The following UGT2A1 variants were observed in gnomAD, a reference collection of about 807,000 sequenced individuals.
UGT2A1 encodes the protein UDP glucuronosyltransferase family 2 member A1 complex locus, also known as UDP-glucuronosyltransferase 2A1.
UGT2A1 carries 61 observed loss-of-function variants against 45.4 expected under a neutral mutation model. That is an observed-to-expected ratio of 1.34 (90% CI 1.09 to 1.66). The LOEUF (loss-of-function observed/expected upper bound fraction) is 1.66, where lower values mean the gene tolerates loss of function less well. Ranked by LOEUF, UGT2A1 falls within the 40% of genes most tolerant of loss-of-function variation. UGT2A1 has a pLI of 0.00. For synonymous variants in UGT2A1, 229 were observed against 196.2 expected (o/e 1.17, Z -1.40); for missense variants, 649 against 574.3 (o/e 1.13, Z -1.33).
In UGT2A1 at chr4:69,647,289, T is replaced by C. The variant is rs1169768463; in HGVS notation, c.356A>G (p.His119Arg). ...QEMAKVIKDF[H>R]MVSQEICDGV... Reference sequence around the variant, plus strand: ...ATCACAGATCTCCTGAGACACCATGTGGAAGTCCTTGATTACTTTGGCCAT... The same window carrying C: ...ATCACAGATCTCCTGAGACACCATGCGGAAGTCCTTGATTACTTTGGCCAT... The change falls in exon 2 of 7, where the codon CAC becomes CGC. Residue 119 changes from histidine to arginine, a missense_variant. Coordinates refer to ENST00000286604, the MANE Select transcript of UGT2A1 (RefSeq NM_001252275.3). 2 of 1,613,302 alleles carry C rather than the reference T, an allele frequency of 1.2e-6. No homozygotes were observed. Among genetic ancestry groups the C allele is most frequent in the African/African-American group, 2.7e-5 (2 of 74,876 alleles).
chr4:69,629,863 T>A, intron 3 of UGT2A1, among the ~76,000 whole-genome samples: 1 of 152,012 alleles, frequency 6.6e-6, no homozygotes, highest in Non-Finnish European at 1.5e-5. Context: ...AATCATCGAG[T>A]CTCAGAGTAG....
intron 2 of UGT2A1, among the ~76,000 whole-genome samples, chr4:69,644,550 AT>A (rs911269184): frequency 4.6e-5 from 7 of 151,408 alleles, no homozygotes; most frequent in Non-Finnish European, 8.9e-5. Context: ...CAAAACTTCA[AT>A]TTTTTTTCTC....
At chr4:69,639,639 A>G (rs1231740780) in intron 2 of UGT2A1, 1 of 1,564,508 alleles carries the variant, frequency 6.4e-7, no homozygotes, top group South Asian at 1.2e-5. Context: ...TATGGAAACC[A>G]TCCTACTGTA....
chr4:69,609,537 A>G (rs565152316), intron 3 of UGT2A1, among the ~76,000 whole-genome samples: 8 of 152,216 alleles, frequency 5.3e-5, no homozygotes, highest in African/African-American at 1.9e-4. Flanking sequence ...TTATATCTCA[A>G]TACAACTGTT....
intron 3 of UGT2A1, among the ~76,000 whole-genome samples, chr4:69,607,937 T>G (rs1220293123): frequency 6.6e-6 from 1 of 152,160 alleles, no homozygotes; most frequent in Non-Finnish European, 1.5e-5. Context: ...CTGGAGAGGA[T>G]GTCGAGAAAT....
chr4:69,608,505 G>A (rs1719821616), intron 3 of UGT2A1, among the ~76,000 whole-genome samples: 2 of 151,696 alleles, frequency 1.3e-5, no homozygotes, highest in African/African-American at 4.8e-5. Context: ...CACCAACCTG[G>A]CACATGTATG....
chr4:69,635,006 G>C (rs190746056), intron 3 of UGT2A1, among the ~76,000 whole-genome samples: 1 of 151,960 alleles, frequency 6.6e-6, no homozygotes, highest in East Asian at 1.9e-4. Context: ...ATGCTTGAGG[G>C]GATGGATACC....
intron 3 of UGT2A1, among the ~76,000 whole-genome samples, chr4:69,627,568 A>AGAG (rs1560486876): frequency 1.3e-5 from 2 of 148,756 alleles, no homozygotes; most frequent in African/African-American, 2.5e-5. Flanking sequence ...GAGAGAGAGA[A>AGAG]AGAAAGAGAG....
At chr4:69,628,931 C>T (rs1191394401) in intron 3 of UGT2A1, among the ~76,000 whole-genome samples, 1 of 151,626 alleles carries the variant, frequency 6.6e-6, no homozygotes, top group East Asian at 1.9e-4. Flanking sequence ...CAATTTCCCT[C>T]AGCTATTAGT....
intron 5 of UGT2A1, 72 bp from the exon 6 acceptor site, chr4:69,594,768 G>A: frequency 6.7e-7 from 1 of 1,502,962 alleles, no homozygotes; most frequent in Non-Finnish European, 9.0e-7. Flanking sequence ...GACAGAAGGG[G>A]TCAAAAAGCT....
intron 3 of UGT2A1, among the ~76,000 whole-genome samples, chr4:69,608,337 G>A (rs1719799812): frequency 6.7e-6 from 1 of 148,184 alleles, no homozygotes; most frequent in South Asian, 2.1e-4. Flanking sequence ...AACAAACACT[G>A]CATGTTCTCA....
intron 4 of UGT2A1, among the ~76,000 whole-genome samples, chr4:69,598,234 T>C (rs1377912519): frequency 2.0e-5 from 3 of 152,164 alleles, no homozygotes; most frequent in Non-Finnish European, 2.9e-5. Flanking sequence ...TAAATATGTC[T>C]GTTACTATAA....
intron 6 of UGT2A1, among the ~76,000 whole-genome samples, chr4:69,592,510 G>A (rs1171744666): frequency 6.6e-6 from 1 of 152,110 alleles, no homozygotes; most frequent in East Asian, 1.9e-4. Context: ...CAAAGCAAGA[G>A]GAAGTGATAA....
Position 69,589,137 on chromosome 4 carries a change from A to T in UGT2A1, c.*235T>A. 2.6e-6 allele frequency: 1 copy of T among 378,744 alleles called. No individual in the cohort carries two copies. Among genetic ancestry groups the T allele is most frequent in the Non-Finnish European group, 4.5e-6 (1 of 222,006 alleles). 23.5% of individuals were successfully genotyped at this position (378,744 alleles called of 1,614,324 possible). ...GTCAGAAAAGTGACAGGAAGAGGGT[A>T]TAGTCAGCAGGGAGAGACAAAGGAA... is the stretch of plus-strand genomic sequence containing the variant. On this transcript the variant is annotated 3_prime_UTR_variant, in exon 7 of 7. Coordinates refer to ENST00000286604, the MANE Select transcript of UGT2A1 (RefSeq NM_001252275.3).
At chr4:69,639,437 T>C (rs774613696) in intron 2 of UGT2A1, 1 of 1,613,248 alleles carries the variant, frequency 6.2e-7, no homozygotes, top group Non-Finnish European at 8.5e-7. Context: ...AGTTGATGAA[T>C]AGAGTTGCTG....
chr4:69,606,882 T>C (rs1327384603), intron 3 of UGT2A1, among the ~76,000 whole-genome samples: 1 of 135,290 alleles, frequency 7.4e-6, no homozygotes, highest in East Asian at 2.1e-4. Flanking sequence ...AAGGACCTCT[T>C]CAAGAACTAC....
chr4:69,607,194 C>T (rs952535926), intron 3 of UGT2A1, among the ~76,000 whole-genome samples: 21 of 150,450 alleles, frequency 1.4e-4, no homozygotes, highest in Admixed American at 1.3e-3. Flanking sequence ...GTAACCAAAA[C>T]AGCATGGTAC....
chr4:69,632,026 T>C (rs1340092199), intron 3 of UGT2A1, among the ~76,000 whole-genome samples: 1 of 152,210 alleles, frequency 6.6e-6, no homozygotes, highest in Non-Finnish European at 1.5e-5. Context: ...TATTAGTTTT[T>C]CTTTATTCCT....
At chr4:69,609,209 GT>G (rs1242632387) in intron 3 of UGT2A1, among the ~76,000 whole-genome samples, 1 of 150,100 alleles carries the variant, frequency 6.7e-6, no homozygotes, top group East Asian at 1.9e-4. Context: ...CTGGAATGCA[GT>G]GGTGCCAACA....
Sources: gnomAD v4.1 joint callset for allele counts (sites outside exome capture counted in the v4.1 genomes callset) on GRCh38, gnomAD v4.1.1 for gene constraint, MANE v1.5 for transcripts, NCBI Gene and HGNC (gene_info 2026-07-23, HGNC 2026-07-21) for gene names.